The following PEX5L variants were observed in gnomAD, a reference collection of about 807,000 sequenced individuals.
PEX5L encodes the protein peroxisomal biogenesis factor 5 like, also known as PEX5-related protein.
In PEX5L, 30 loss-of-function variants were observed where a neutral mutation model predicts 84.0. The ratio of observed to expected loss-of-function variants is 0.36; its 90% confidence interval spans 0.27 to 0.48. The LOEUF (loss-of-function observed/expected upper bound fraction) is 0.48. PEX5L is among the 20% of genes least tolerant of loss of function. The pLI, the probability that PEX5L is intolerant of heterozygous loss-of-function variation, is 0.99. For synonymous variants in PEX5L, 270 were observed against 283.1 expected (o/e 0.95, Z 0.46); for missense variants, 533 against 754.6 (o/e 0.71, Z 3.44).
At chr3:179,878,617 T>G (rs958088866) in intron 5 of PEX5L, among the ~76,000 whole-genome samples, 1 of 152,236 alleles carries the variant, frequency 6.6e-6, no homozygotes, top group Non-Finnish European at 1.5e-5. Context: ...CTTTCCTTTC[T>G]GCACCAGGGA....
chr3:179,879,095 T>C (rs1404782282), intron 5 of PEX5L, among the ~76,000 whole-genome samples: 1 of 152,206 alleles, frequency 6.6e-6, no homozygotes, highest in Non-Finnish European at 1.5e-5. Flanking sequence ...CTTATGAATG[T>C]ATATACAATA....
intron 2 of PEX5L, among the ~76,000 whole-genome samples, chr3:179,919,091 A>C (rs1013221217): frequency 3.3e-5 from 5 of 152,106 alleles, no homozygotes; most frequent in African/African-American, 1.2e-4. Flanking sequence ...TACATCCTGG[A>C]TTGTTTTTTG....
Position 179,808,305 on chromosome 3 carries a change from A to G in PEX5L, c.1485T>C (p.Asp495=). 3.1e-6 allele frequency: 5 copies of G among 1,602,056 alleles called. No homozygotes were observed. In the South Asian group the frequency reaches 3.4e-5, roughly 11 times the overall value. ...GAACAGTTAAGGCAGCGTTAAATGC[A>G]TCTATTGCTCTATTAAATTCTCCAC... ...HLSGEFNRAI[D]AFNAALTVRP... Residue 495 remains aspartate (D), a synonymous_variant, in exon 13 of 15, where the codon GAT becomes GAC. Transcript: ENST00000467460.
chr3:179,802,823 T>A (rs955565367), intron 14 of PEX5L, among the ~76,000 whole-genome samples: 3 of 151,866 alleles, frequency 2.0e-5, no homozygotes, highest in African/African-American at 7.2e-5. Flanking sequence ...ACTGGGCACC[T>A]GTCTTGAATC....
chr3:179,946,418 C>T (rs1236870758), intron 2 of PEX5L, among the ~76,000 whole-genome samples: 1 of 152,162 alleles, frequency 6.6e-6, no homozygotes, highest in Non-Finnish European at 1.5e-5. Context: ...GACACCATCC[C>T]TTATCTCCCA....
At chr3:180,036,470 C>A in intron 1 of PEX5L, 109 bp downstream of exon 1, 1 of 1,023,698 alleles carries the variant, frequency 9.8e-7, no homozygotes. Context: ...TGCATCACTT[C>A]ACTTGTTGAG....
intron 1 of PEX5L, among the ~76,000 whole-genome samples, chr3:180,033,741 C>T (rs1791659812): frequency 1.3e-5 from 2 of 152,182 alleles, no homozygotes; most frequent in South Asian, 4.1e-4. Flanking sequence ...AAAACAGTCA[C>T]AAAAGAAGCA....
intron 1 of PEX5L, among the ~76,000 whole-genome samples, chr3:180,024,689 T>A (rs9855659): frequency 0.19 from 27,924 of 150,680 alleles, 3,814 homozygotes; most frequent in African/African-American, 0.39. Flanking sequence ...TGTGTGTGTG[T>A]GAGAGAGAGA....
At chr3:180,030,867 T>G (rs2108362084) in intron 1 of PEX5L, among the ~76,000 whole-genome samples, 1 of 152,182 alleles carries the variant, frequency 6.6e-6, no homozygotes, top group Admixed American at 6.5e-5. Flanking sequence ...AAATTCTAAC[T>G]ATTTCACTTG....
chr3:179,878,804 G>GC (rs1753263233), intron 5 of PEX5L, among the ~76,000 whole-genome samples: 1 of 152,060 alleles, frequency 6.6e-6, no homozygotes, highest in African/African-American at 2.4e-5. Flanking sequence ...TTCTTTCATT[G>GC]CTACATATAG....
intron 1 of PEX5L, among the ~76,000 whole-genome samples, chr3:180,028,130 T>C (rs974350559): frequency 3.9e-5 from 6 of 152,212 alleles, no homozygotes; most frequent in African/African-American, 1.4e-4. Context: ...GTAAATACCT[T>C]ATTCCCATAC....
chr3:179,872,544 T>C (rs1234886299), intron 7 of PEX5L, among the ~76,000 whole-genome samples: 2 of 152,218 alleles, frequency 1.3e-5, no homozygotes, highest in Non-Finnish European at 2.9e-5. Flanking sequence ...TTGTCTTTGT[T>C]TAAAGTAAGG....
intron 8 of PEX5L, among the ~76,000 whole-genome samples, chr3:179,831,559 C>T (rs1732953622): frequency 6.6e-6 from 1 of 152,108 alleles, no homozygotes; most frequent in Admixed American, 6.6e-5. Flanking sequence ...AAGAGAGATG[C>T]TCACCCTGCT....
chr3:179,957,487 A>G (rs767922782), intron 2 of PEX5L, among the ~76,000 whole-genome samples: 5 of 152,190 alleles, frequency 3.3e-5, no homozygotes, highest in Non-Finnish European at 7.3e-5. Flanking sequence ...ACTTCTGTAG[A>G]TGGGCATGCA....
intron 2 of PEX5L, among the ~76,000 whole-genome samples, chr3:179,970,916 C>A (rs757371659): frequency 1.3e-5 from 2 of 152,116 alleles, no homozygotes; most frequent in Non-Finnish European, 2.9e-5. Context: ...TGATAATTAA[C>A]AGAGATGTTA....
At chr3:179,817,524 G>T (rs1427577397) in intron 9 of PEX5L, among the ~76,000 whole-genome samples, 2 of 152,142 alleles carry the variant, frequency 1.3e-5, no homozygotes, top group African/African-American at 4.8e-5. Context: ...CTCCCAGAGG[G>T]ATTTATTAGG....
intron 2 of PEX5L, among the ~76,000 whole-genome samples, chr3:179,904,255 A>ATCATCTTT (rs1193792946): frequency 1.3e-5 from 2 of 152,188 alleles, no homozygotes; most frequent in Non-Finnish European, 2.9e-5. Context: ...TTCTTCAGCC[A>ATCATCTTT]TCATCTTTTC....
intron 1 of PEX5L, among the ~76,000 whole-genome samples, chr3:179,999,226 T>C (rs550738660): frequency 1.3e-4 from 20 of 152,274 alleles, no homozygotes; most frequent in Non-Finnish European, 2.8e-4. Context: ...CTCTGAATGG[T>C]CAAAAACTGT....
chr3:179,876,033 G>GGA (rs1300756411), intron 5 of PEX5L, among the ~76,000 whole-genome samples: 2 of 152,116 alleles, frequency 1.3e-5, no homozygotes, highest in East Asian at 1.9e-4. Context: ...TTATAATGGG[G>GGA]GAGAGAGAGA....
Sources: gnomAD v4.1 joint callset for allele counts (sites outside exome capture counted in the v4.1 genomes callset) on GRCh38, gnomAD v4.1.1 for gene constraint, MANE v1.5 for transcripts, NCBI Gene and HGNC (gene_info 2026-07-23, HGNC 2026-07-21) for gene names.